Variants in TTLL11 observed in about 807,000 individuals in gnomAD.
The protein encoded by TTLL11 is tubulin polyglutamylase TTLL11.
In TTLL11, 42 loss-of-function variants were observed where a neutral mutation model predicts 51.7. The observed-to-expected ratio is 0.81, with a 90% CI of 0.64 to 1.05. TTLL11 has a LOEUF of 1.05. Among genes scored for constraint, TTLL11 ranks in the 50% least tolerant of loss-of-function variants. TTLL11 has a pLI of 0.00. For missense variants in TTLL11, 799 were observed against 940.4 expected, an observed-to-expected ratio of 0.85 and a Z score of 1.97; for synonymous variants, 381 against 383.5, an observed-to-expected ratio of 0.99 and a Z score of 0.08.
intron 6 of TTLL11, among the ~76,000 whole-genome samples, chr9:121,901,603 C>T (rs1475457643): frequency 3.9e-5 from 6 of 152,038 alleles, no homozygotes; most frequent in South Asian, 2.1e-4. Context: ...TTCCCTCCCC[C>T]GAGAACCAAG....
intron 1 of TTLL11, among the ~76,000 whole-genome samples, chr9:122,057,453 G>A (rs1309920083): frequency 6.6e-6 from 1 of 151,254 alleles, no homozygotes; most frequent in Admixed American, 6.6e-5. Flanking sequence ...TTCGGAGTCA[G>A]TAACTGGGAT....
chr9:121,873,027 C>T (rs1227468057), intron 6 of TTLL11, among the ~76,000 whole-genome samples: 3 of 152,116 alleles, frequency 2.0e-5, no homozygotes, highest in Non-Finnish European at 4.4e-5. Context: ...ACACTTTTAC[C>T]GGAAATTAGC....
At chr9:121,833,673 C>T (rs918715826) in intron 8 of TTLL11, among the ~76,000 whole-genome samples, 1 of 152,188 alleles carries the variant, frequency 6.6e-6, no homozygotes, top group Non-Finnish European at 1.5e-5. Context: ...GCAGCATTTA[C>T]ATGCGTAGCT....
chr9:121,940,411 C>T (rs189545204), intron 6 of TTLL11, among the ~76,000 whole-genome samples: 1 of 151,944 alleles, frequency 6.6e-6, no homozygotes. Flanking sequence ...GATCTCGGCT[C>T]ACCACAACCT....
intron 6 of TTLL11, among the ~76,000 whole-genome samples, chr9:121,905,915 C>A (rs982417052): frequency 2.0e-5 from 3 of 152,120 alleles, no homozygotes; most frequent in Non-Finnish European, 4.4e-5. Flanking sequence ...TGGCTTTAGT[C>A]TATGACTTTG....
intron 3 of TTLL11, among the ~76,000 whole-genome samples, chr9:122,004,669 A>G (rs192862005): frequency 6.6e-6 from 1 of 152,188 alleles, no homozygotes; most frequent in Non-Finnish European, 1.5e-5. Context: ...CTTATGAGAT[A>G]GCGATTATTT....
intron 6 of TTLL11, among the ~76,000 whole-genome samples, chr9:121,917,491 GAAAGA>G (rs1032842918): frequency 2.0e-5 from 3 of 146,514 alleles, no homozygotes; most frequent in Non-Finnish European, 4.5e-5. Context: ...AAAAGAAAAG[GAAAGA>G]AAAGAAAAGA....
intron 1 of TTLL11, among the ~76,000 whole-genome samples, chr9:122,044,557 G>A (rs1844948863): frequency 6.6e-6 from 1 of 152,146 alleles, no homozygotes; most frequent in African/African-American, 2.4e-5. Context: ...CATTCTAACT[G>A]GTGTGAGATG....
At chr9:122,010,494 C>T (rs953240734) in intron 3 of TTLL11, among the ~76,000 whole-genome samples, 2 of 152,202 alleles carry the variant, frequency 1.3e-5, no homozygotes, top group Non-Finnish European at 2.9e-5. Context: ...TGCTTTCACA[C>T]TCCAACAGCA....
intron 6 of TTLL11, among the ~76,000 whole-genome samples, chr9:121,872,793 A>G (rs962328831): frequency 6.6e-6 from 1 of 152,166 alleles, no homozygotes; most frequent in African/African-American, 2.4e-5. Context: ...AACTTCAACA[A>G]TGTGGAGGGT....
chr9:122,043,620 A>G (rs1844909506), intron 1 of TTLL11, among the ~76,000 whole-genome samples: 2 of 152,286 alleles, frequency 1.3e-5, no homozygotes, highest in Non-Finnish European at 2.9e-5. Flanking sequence ...TAGAAAACAT[A>G]GGAGAAAAGC....
At chr9:121,982,717 CAAAAA>C (rs71371907) in intron 4 of TTLL11, among the ~76,000 whole-genome samples, 1 of 97,432 alleles carries the variant, frequency 1.0e-5, no homozygotes. Context: ...AACTCCAACT[CAAAAA>C]AAAAAAAAAA....
At chr9:121,865,919 C>T (rs552304082) in intron 7 of TTLL11, among the ~76,000 whole-genome samples, 8 of 152,182 alleles carry the variant, frequency 5.3e-5, no homozygotes, top group East Asian at 1.9e-4. Flanking sequence ...TAATTCACTC[C>T]GAAAACTGCT....
At chr9:121,896,556 G>A (rs1564293813) in intron 6 of TTLL11, among the ~76,000 whole-genome samples, 2 of 152,154 alleles carry the variant, frequency 1.3e-5, no homozygotes, top group Non-Finnish European at 1.5e-5. Context: ...GACATGATTC[G>A]GAACTCACAC....
chr9:122,039,087 C>G (rs1393174397), intron 2 of TTLL11, among the ~76,000 whole-genome samples, 185 bp downstream of exon 2: 1 of 152,176 alleles, frequency 6.6e-6, no homozygotes, highest in Non-Finnish European at 1.5e-5. Flanking sequence ...ACCAAGAAAG[C>G]CTGCCTTTGA....
intron 6 of TTLL11, among the ~76,000 whole-genome samples, chr9:121,874,036 G>A: frequency 6.6e-6 from 1 of 151,438 alleles, no homozygotes; most frequent in East Asian, 2.0e-4. Context: ...TAGAGATGGG[G>A]TTTTGCCATC....
intron 6 of TTLL11, among the ~76,000 whole-genome samples, chr9:121,897,562 C>G (rs999964632): frequency 1.3e-5 from 2 of 150,858 alleles, no homozygotes; most frequent in African/African-American, 4.9e-5. Flanking sequence ...TGCTGAATGT[C>G]GACTCTTGGC....
At chr9:122,075,629 T>C (rs1202763580) in intron 1 of TTLL11, among the ~76,000 whole-genome samples, 1 of 152,186 alleles carries the variant, frequency 6.6e-6, no homozygotes, top group African/African-American at 2.4e-5. Context: ...CTTTGCAACC[T>C]GCCTAGAGAG....
intron 3 of TTLL11, among the ~76,000 whole-genome samples, chr9:122,012,680 A>ACG (rs1843843878): frequency 2.3e-5 from 3 of 127,916 alleles, no homozygotes; most frequent in Admixed American, 8.9e-5. Flanking sequence ...ACACACACGC[A>ACG]CACACACACA....
Sources: gnomAD v4.1 joint callset for allele counts (sites outside exome capture counted in the v4.1 genomes callset) on GRCh38, gnomAD v4.1.1 for gene constraint, MANE v1.5 for transcripts, NCBI Gene and HGNC (gene_info 2026-07-23, HGNC 2026-07-21) for gene names.